NR2E3: variants seen among roughly 807,000 people sequenced by gnomAD.
NR2E3 encodes photoreceptor-specific nuclear receptor.
In NR2E3, 38 loss-of-function variants were observed where a neutral mutation model predicts 37.6. The observed-to-expected ratio is 1.01, with a 90% CI of 0.78 to 1.33. NR2E3 has a LOEUF of 1.33. Among genes scored for constraint, NR2E3 ranks in the 40% most tolerant of loss-of-function variants. The pLI, the probability that NR2E3 is intolerant of heterozygous loss-of-function variation, is 0.00. For missense variants in NR2E3, 562 were observed against 558.7 expected, an observed-to-expected ratio of 1.01 and a Z score of -0.06; for synonymous variants, 235 against 225.1, an observed-to-expected ratio of 1.04 and a Z score of -0.39.
At chr15:71,812,567 C>G in intron 5 of NR2E3, 56 bp downstream of exon 5, 1 of 1,477,432 alleles carries the variant, frequency 6.8e-7, no homozygotes, top group Non-Finnish European at 9.1e-7. Context: ...AGGCGGCCCA[C>G]TCGAGTCAAC....
At position 71,813,346 on chromosome 15, in the gene NR2E3, A is replaced by G; in HGVS notation, c.748-43A>G. ...GCAGAGGCTCCAGACTGAGCCAGAG[A>G]AGCTGTGTGTCTGCCATAACAGGCA... is the stretch of plus-strand genomic sequence containing the variant. On this transcript the variant is annotated intron_variant, in intron 5 of 7. Transcript: ENST00000617575. The surrounding 1 kb of genome is among the most constrained non-coding windows in gnomAD (Gnocchi z 4.7). 1 of 1,596,862 alleles carries G rather than the reference A, an allele frequency of 6.3e-7. No individual in the cohort carries two copies. The highest frequency in any genetic ancestry group is 2.3e-5 in the East Asian group (1 of 44,214).
At chr15:71,814,250 A>G (rs1432909826) in intron 7 of NR2E3, 133 bp downstream of exon 7, 2 of 1,453,690 alleles carry the variant, frequency 1.4e-6, no homozygotes, top group East Asian at 2.5e-5. Context: ...GCCAACATCT[A>G]TGGTGTCCCA....
At position 71,813,426 on chromosome 15, in the gene NR2E3, T is replaced by A; in HGVS notation, c.785T>A (p.Leu262His). 1 of 1,611,140 alleles carries A rather than the reference T, an allele frequency of 6.2e-7. No homozygotes were observed. Among genetic ancestry groups the A allele is most frequent in the Non-Finnish European group, 8.5e-7 (1 of 1,178,752 alleles). The part of the protein sequence containing the change: ...LLEEAWSELF[L>H]LGAIQWSLPL... Reference sequence around the variant, plus strand: ...GAAGAGGCGTGGAGTGAACTCTTTCTCCTCGGGGCCATCCAGTGGTCTCTG... The same window carrying A: ...GAAGAGGCGTGGAGTGAACTCTTTCACCTCGGGGCCATCCAGTGGTCTCTG... The change falls in exon 6 of 8, where the codon CTC (leucine) becomes CAC (histidine). Residue 262 changes from leucine to histidine, a missense_variant. Coordinates refer to ENST00000617575, the MANE Select transcript of NR2E3 (RefSeq NM_014249.4). The surrounding 1 kb of genome is among the most constrained non-coding windows in gnomAD (Gnocchi z 4.7).
rs2140288861 is a variant in NR2E3 at position 71,811,598 on chromosome 15, G to A, written c.234G>A (p.Arg78=). The A allele has an allele frequency of 1.9e-6, 3 of 1,604,196 alleles. No individual in the cohort carries two copies. Among genetic ancestry groups the A allele is most frequent in the Non-Finnish European group, 2.6e-6 (3 of 1,176,014 alleles). The change falls in exon 2 of 8, where the codon AGG becomes AGA. Residue 78 remains arginine, a synonymous_variant. Transcript: ENST00000617575. This position sits in a 1 kb window ranked among gnomAD's most constrained non-coding sequence, Gnocchi z 5.6. The part of the protein sequence containing the change: ...SGFFKRSVRR[R]LIYRCQVGAG... Reference sequence around the variant, plus strand: ...TCTTCAAGAGGAGCGTACGGCGGAGGCTCATCTACAGGTGAGTGCGGTGGG... The same window carrying A: ...TCTTCAAGAGGAGCGTACGGCGGAGACTCATCTACAGGTGAGTGCGGTGGG...
Position 71,817,639 on chromosome 15 carries a change from G to T in NR2E3, c.1188G>T (p.Gly396=). 15 of 1,609,952 alleles carry T rather than the reference G, an allele frequency of 9.3e-6. No individual in the cohort carries two copies. Among genetic ancestry groups the T allele is most frequent in the Non-Finnish European group, 1.2e-5 (14 of 1,176,462 alleles). ...IELLFFRKTI[G]NTPMEKLLCD... is the part of the protein sequence containing the mutation. ...TCCTCTTTTTCCGCAAGACCATAGG[G>T]AATACTCCAATGGAGAAGCTCCTTT... The change falls in exon 8 of 8, where the codon GGG becomes GGT. Residue 396 remains glycine, a synonymous_variant. Coordinates refer to ENST00000617575, the MANE Select transcript of NR2E3 (RefSeq NM_014249.4).
chr15:71,811,617 C>T lies in NR2E3; in HGVS notation c.245+8C>T, dbSNP rs9920371. 1,198 of 1,602,328 alleles carry T rather than the reference C, an allele frequency of 7.5e-4. 6 individuals carry two copies. In the African/African-American group the frequency reaches 0.014, roughly 19 times the overall value. On this transcript the variant is annotated splice_region_variant and intron_variant, in intron 2 of 7. Coordinates refer to ENST00000617575, the MANE Select transcript of NR2E3 (RefSeq NM_014249.4). The surrounding 1 kb of genome is among the most constrained non-coding windows in gnomAD (Gnocchi z 5.6). ...GCGGAGGCTCATCTACAGGTGAGTG[C>T]GGTGGGCCCTGCTGGGCGTCTGCCC...
Position 71,811,457 on chromosome 15 carries a change from G to GCCCAGCCCTGC in NR2E3, c.119-22_119-12dup, listed in dbSNP as rs986400929. 8 of 1,536,322 alleles carry GCCCAGCCCTGC rather than the reference G, an allele frequency of 5.2e-6. No homozygotes were observed. In the South Asian group the frequency reaches 8.3e-5, roughly 16 times the overall value. On this transcript the variant is annotated intron_variant, in intron 1 of 7. Coordinates refer to ENST00000617575, the MANE Select transcript of NR2E3 (RefSeq NM_014249.4). This position sits in a 1 kb window ranked among gnomAD's most constrained non-coding sequence, Gnocchi z 5.6. ...CCTGCCCCGGCCCAGCCCTGCCCTG[G>GCCCAGCCCTGC]CCCAGCCCTGCCCCCTGCCCCTCAG...
rs2054184336 is a variant in NR2E3 at position 71,811,820 on chromosome 15, C to T, written c.300C>T (p.Cys100=). 1 of 1,551,444 alleles carries T rather than the reference C, an allele frequency of 6.4e-7. No homozygotes were observed. Among genetic ancestry groups the T allele is most frequent in the Non-Finnish European group, 8.7e-7 (1 of 1,147,048 alleles). ...TGGACAAGGCCCACCGCAACCAGTG[C>T]CAGGCCTGCCGGCTGAAGAAGTGCC... ...CPVDKAHRNQ[C]QACRLKKCLQ... The change falls in exon 3 of 8, where the codon TGC becomes TGT. Residue 100 remains cysteine, a synonymous_variant. Transcript: ENST00000617575. The surrounding 1 kb of genome is among the most constrained non-coding windows in gnomAD (Gnocchi z 5.6).
chr15:71,812,049 T>TC lies in NR2E3; in HGVS notation c.449dup (p.Ala151GlyfsTer31), dbSNP rs2054187597. On this transcript the variant is annotated frameshift_variant, in exon 4 of 8. Coordinates refer to ENST00000617575, the MANE Select transcript of NR2E3 (RefSeq NM_014249.4). LOFTEE classifies it high-confidence loss of function. Reference sequence around the variant, plus strand: ...AGTCCCGGCCGGAGTCCCTGGTGGCTCCCCCGGCCCCGGCAGGGCGCAGCC... The same window carrying TC: ...AGTCCCGGCCGGAGTCCCTGGTGGCTCCCCCCGGCCCCGGCAGGGCGCAGCC... 1.9e-6 allele frequency: 3 copies of TC among 1,553,220 alleles called. No homozygotes were observed. Among genetic ancestry groups the TC allele is most frequent in the South Asian group, 1.2e-5 (1 of 84,156 alleles).
chr15:71,813,442 G>A lies in NR2E3; in HGVS notation c.801G>A (p.Gln267=), dbSNP rs780172380. 8 of 1,610,624 alleles carry A rather than the reference G, an allele frequency of 5.0e-6. No individual in the cohort carries two copies. The South Asian group carries it at 8.9e-5, about 18-fold the overall frequency. Residue 267 remains glutamine (Q), a synonymous_variant, in exon 6 of 8, where the codon CAG becomes CAA. Transcript: ENST00000617575. This position sits in a 1 kb window ranked among gnomAD's most constrained non-coding sequence, Gnocchi z 4.7. Reference sequence around the variant, plus strand: ...AACTCTTTCTCCTCGGGGCCATCCAGTGGTCTCTGCCTCTGGACAGCTGTC... The same window carrying A: ...AACTCTTTCTCCTCGGGGCCATCCAATGGTCTCTGCCTCTGGACAGCTGTC... ...WSELFLLGAI[Q]WSLPLDSCPL... is the part of the protein sequence containing the mutation.
At position 71,817,928 on chromosome 15, in the gene NR2E3, T is replaced by G. The variant is rs947116520; in HGVS notation, c.*244T>G. The G allele has an allele frequency of 3.1e-6, 1 of 319,440 alleles. No individual in the cohort carries two copies. The highest frequency in any genetic ancestry group is 5.8e-6 in the Non-Finnish European group (1 of 172,414). 19.8% of individuals were successfully genotyped at this position (319,440 alleles called of 1,614,324 possible). A position where few individuals can be genotyped will look rare whatever the true frequency, so the allele number is the denominator to read the frequency against. On this transcript the variant is annotated 3_prime_UTR_variant, in exon 8 of 8. Coordinates refer to ENST00000617575, the MANE Select transcript of NR2E3 (RefSeq NM_014249.4). ...ATAATGAAAAATAATTTAAAAAGAA[T>G]GAATTACGGATACATGTGGCAACAC...
chr15:71,814,901 G>T, intron 7 of NR2E3: 1 of 985,520 alleles, frequency 1.0e-6, no homozygotes, highest in African/African-American at 1.7e-5. Context: ...TTGGGTGAAG[G>T]TAAGGAATGA....
Position 71,817,558 on chromosome 15 carries a change from G to C in NR2E3, c.1107G>C (p.Gly369=), listed in dbSNP as rs1037172485. The change falls in exon 8 of 8, where the codon GGG becomes GGC. Residue 369 remains glycine, a synonymous_variant. Transcript: ENST00000617575. ...CGTCCTCTCTCCTGTTCAGGTTTGGGAAATTGCTCCTGCTCCTCCCGTCTT... is the reference window on the plus strand; with the variant it reads ...CGTCCTCTCTCCTGTTCAGGTTTGGCAAATTGCTCCTGCTCCTCCCGTCTT... The part of the protein sequence containing the change: ...AHHPSQPVRF[G]KLLLLLPSLR... 3.1e-6 allele frequency: 5 copies of C among 1,593,030 alleles called. No homozygotes were observed. Among genetic ancestry groups the C allele is most frequent in the Non-Finnish European group, 4.3e-6 (5 of 1,163,310 alleles).
intron 1 of NR2E3, 34 bp downstream of exon 1, chr15:71,810,895 G>A: frequency 2.0e-6 from 3 of 1,519,570 alleles, no homozygotes; most frequent in Non-Finnish European, 2.7e-6. Flanking sequence ...GTTGGGTCTG[G>A]GCCCTTGGGG....
chr15:71,817,554 TTGGGAAATTGCTCC>T lies in NR2E3; in HGVS notation c.1106_1119del (p.Gly369AlafsTer33). 1 of 1,593,458 alleles carries T rather than the reference TTGGGAAATTGCTCC, an allele frequency of 6.3e-7. No individual in the cohort carries two copies. Among genetic ancestry groups the T allele is most frequent in the Non-Finnish European group, 8.6e-7 (1 of 1,163,534 alleles). ...ATGGCGTCCTCTCTCCTGTTCAGGT[TTGGGAAATTGCTCC>T]TGCTCCTCCCGTCTTTGAGGTTTAT... On this transcript the variant is annotated frameshift_variant, in exon 8 of 8. Transcript: ENST00000617575. LOFTEE classifies it high-confidence loss of function.
chr15:71,811,632 G>A lies in NR2E3; in HGVS notation c.245+23G>A. On this transcript the variant is annotated intron_variant, in intron 2 of 7. Coordinates refer to ENST00000617575, the MANE Select transcript of NR2E3 (RefSeq NM_014249.4). This position sits in a 1 kb window ranked among gnomAD's most constrained non-coding sequence, Gnocchi z 5.6. ...CAGGTGAGTGCGGTGGGCCCTGCTG[G>A]GCGTCTGCCCCTGAGGGGTTCTGGA... 1 of 1,599,072 alleles carries A rather than the reference G, an allele frequency of 6.3e-7. No homozygotes were observed. Among genetic ancestry groups the A allele is most frequent in the Non-Finnish European group, 8.5e-7 (1 of 1,173,274 alleles).
Position 71,812,507 on chromosome 15 carries a change from A to T in NR2E3, c.743A>T (p.Asp248Val). The T allele has an allele frequency of 6.2e-7, 1 of 1,608,840 alleles. No homozygotes were observed. The highest frequency in any genetic ancestry group is 2.2e-5 in the East Asian group (1 of 44,792). Residue 248 changes from aspartate to valine, a missense_variant, in exon 5 of 8, where the codon GAT (aspartate) becomes GTT (valine). Asp to Val is a radical substitution (Grantham distance 152). Transcript: ENST00000617575. Reference protein sequence around the residue: ...LPVFSSLPFRDQVILLEEAWS... With the variant: ...LPVFSSLPFRVQVILLEEAWS... ...GTGTTCTCCAGCCTGCCCTTCCGGG[A>T]TCAGGTACCTACCGGCCTGCCTGCT... is the stretch of plus-strand genomic sequence containing the variant.
Position 71,816,257 on chromosome 15 carries a change from C to CTTTT in NR2E3, c.1101-1277_1101-1274dup, listed in dbSNP as rs59789846. ...TTGCGGACTCCTGTCTTAGCAAATACTTTTTTTTTTTTTTTTTTTTTGAGA... is the reference window on the plus strand; with the variant it reads ...TTGCGGACTCCTGTCTTAGCAAATACTTTTTTTTTTTTTTTTTTTTTTTTTGAGA... On this transcript the variant is annotated intron_variant, in intron 7 of 7. Transcript: ENST00000617575. Among the ~76,000 whole-genome samples, 258 of 121,974 alleles carry CTTTT rather than the reference C, an allele frequency of 2.1e-3. 2 individuals carry two copies. Among genetic ancestry groups the CTTTT allele is most frequent in the East Asian group, 6.4e-3 (24 of 3,744 alleles). The allele number at this position is 121,974 out of a possible 152,430, so 80.0% of individuals were successfully genotyped here.
intron 7 of NR2E3, 25 bp downstream of exon 7, chr15:71,814,142 C>T (rs1158488001): frequency 6.2e-7 from 1 of 1,601,196 alleles, no homozygotes; most frequent in Non-Finnish European, 8.5e-7. Context: ...CGCCCACCCA[C>T]TCATCTGTCC....
Sources: gnomAD v4.1 joint callset for allele counts (sites outside exome capture counted in the v4.1 genomes callset) on GRCh38, gnomAD v4.1.1 for gene constraint, Gnocchi (gnomAD v3.1) non-coding constraint, MANE v1.5 for transcripts, NCBI Gene and HGNC (gene_info 2026-07-23, HGNC 2026-07-21) for gene names.